Variants in EFTUD2 observed in about 807,000 individuals in gnomAD.
The protein encoded by EFTUD2 is 116 kDa U5 small nuclear ribonucleoprotein component.
In EFTUD2, 9 loss-of-function variants were observed where a neutral mutation model predicts 114.3. The ratio of observed to expected loss-of-function variants is 0.08; its 90% confidence interval spans 0.05 to 0.14. The LOEUF (loss-of-function observed/expected upper bound fraction) is 0.14, where lower values mean the gene tolerates loss of function less well. EFTUD2 is among the 10% of genes least tolerant of loss of function. EFTUD2 has a pLI of 1.00. For missense variants in EFTUD2, 765 were observed against 1,241.2 expected (o/e 0.62, Z 5.76); for synonymous variants, 449 against 462.3 (o/e 0.97, Z 0.37).
chr17:44,868,027 C>T, intron 12 of EFTUD2, 130 bp from the exon 13 acceptor site: 1 of 981,440 alleles, frequency 1.0e-6, no homozygotes, highest in Non-Finnish European at 1.5e-6. Flanking sequence ...GTAAAGTTTC[C>T]AGAGACAGAT....
chr17:44,886,758 CA>C lies in EFTUD2; in HGVS notation c.106-9del, dbSNP rs773036614. The C allele has an allele frequency of 3.1e-6, 5 of 1,611,792 alleles. No individual in the cohort carries two copies. The South Asian group carries it at 5.5e-5, about 18-fold the overall frequency. On this transcript the variant is annotated splice_polypyrimidine_tract_variant and intron_variant, in intron 2 of 27. Transcript: ENST00000426333. The stretch of plus-strand genomic sequence containing the variant: ...GTCGTCATCATCATCCATCTGAAAG[CA>C]AGAGGGAGAGGGAGAATCGAAGAGG...
Position 44,868,354 on chromosome 17 carries a change from T to C in EFTUD2, c.995-4A>G, listed in dbSNP as rs767499548. 6.2e-7 allele frequency: 1 copy of C among 1,613,630 alleles called. No homozygotes were observed. On this transcript the variant is annotated splice_region_variant and splice_polypyrimidine_tract_variant and intron_variant, in intron 11 of 27. Transcript: ENST00000426333. ...AATTCTTGGTAATTAATGTCACCTA[T>C]GGGAGAAGCCACACAATTATAATCT... is the stretch of plus-strand genomic sequence containing the variant.
intron 6 of EFTUD2, among the ~76,000 whole-genome samples, chr17:44,882,652 C>T (rs1163176637): frequency 6.6e-6 from 1 of 152,148 alleles, no homozygotes; most frequent in Non-Finnish European, 1.5e-5. Context: ...ACATGTCAGC[C>T]TTAATGCTAA....
chr17:44,888,318 G>A (rs1204574876), intron 2 of EFTUD2, among the ~76,000 whole-genome samples: 1 of 152,122 alleles, frequency 6.6e-6, no homozygotes, highest in Non-Finnish European at 1.5e-5. Context: ...GCATCCAGTG[G>A]GTAGAGGCCA....
intron 1 of EFTUD2, among the ~76,000 whole-genome samples, chr17:44,895,196 A>T (rs936723182): frequency 3.9e-5 from 6 of 152,254 alleles, no homozygotes; most frequent in African/African-American, 7.2e-5. Context: ...AGTGTCTATT[A>T]AAAAAGTTTC....
intron 16 of EFTUD2, 44 bp downstream of exon 16, chr17:44,862,669 G>A (rs768740240): frequency 6.4e-7 from 1 of 1,566,996 alleles, no homozygotes; most frequent in Non-Finnish European, 8.7e-7. Flanking sequence ...GGCAGCCCCT[G>A]GATAGACACC....
At chr17:44,886,986 T>C (rs2051186693) in intron 2 of EFTUD2, among the ~76,000 whole-genome samples, 1 of 152,176 alleles carries the variant, frequency 6.6e-6, no homozygotes, top group Non-Finnish European at 1.5e-5. Flanking sequence ...TGTGGGCCAC[T>C]GGTCACAAGT....
intron 3 of EFTUD2, 104 bp downstream of exon 3, chr17:44,886,481 G>A (rs2051175356): frequency 1.2e-5 from 19 of 1,526,246 alleles, no homozygotes; most frequent in Non-Finnish European, 1.7e-5. Context: ...AGGTAGTAAA[G>A]AAAAACTGAT....
Position 44,863,581 on chromosome 17 carries a change from GT to G in EFTUD2, c.1413+73del. 1.9e-6 allele frequency: 3 copies of G among 1,558,334 alleles called. No individual in the cohort carries two copies. In the East Asian group the frequency reaches 6.8e-5, roughly 35 times the overall value. On this transcript the variant is annotated intron_variant, in intron 15 of 27. Coordinates refer to ENST00000426333, the MANE Select transcript of EFTUD2 (RefSeq NM_004247.4). ...GGGTGGGAAAGTGGGCATTACTCCT[GT>G]GACCAGAAATCAGTATCCCCACACA... is the stretch of plus-strand genomic sequence containing the variant.
At chr17:44,856,958 T>C in intron 20 of EFTUD2, 117 bp downstream of exon 20, 1 of 806,018 alleles carries the variant, frequency 1.2e-6, no homozygotes, top group South Asian at 1.5e-5. Flanking sequence ...CACCCCCTAT[T>C]CTGAGCTGTA....
Position 44,880,602 on chromosome 17 carries a change from G to T in EFTUD2, c.571C>A (p.Pro191Thr). 6.2e-7 allele frequency: 1 copy of T among 1,613,736 alleles called. No individual in the cohort carries two copies. The highest frequency in any genetic ancestry group is 8.5e-7 in the Non-Finnish European group (1 of 1,179,718). Residue 191 changes from proline to threonine, a missense_variant, in exon 8 of 28, where the codon CCA becomes ACA. This residue lies in a region of EFTUD2 where 251 missense variants were observed against 357.7 expected (regional missense o/e 0.70). Coordinates refer to ENST00000426333, the MANE Select transcript of EFTUD2 (RefSeq NM_004247.4). Reference sequence around the variant, plus strand: ...AGATAAGATTTTCCTTTGGTGTCTGGCAAGACCACTGTCACAGGAGTGCTT... The same window carrying T: ...AGATAAGATTTTCCTTTGGTGTCTGTCAAGACCACTGTCACAGGAGTGCTT... ...IKSTPVTVVL[P>T]DTKGKSYLFN...
In EFTUD2 at chr17:44,894,434, T is replaced by A; in HGVS notation, c.88A>T (p.Thr30Ser). 6.2e-7 allele frequency: 1 copy of A among 1,613,192 alleles called. No individual in the cohort carries two copies. Among genetic ancestry groups the A allele is most frequent in the Non-Finnish European group, 8.5e-7 (1 of 1,179,104 alleles). The change falls in exon 2 of 28, where the codon ACC (threonine) becomes TCC (serine). Residue 30 changes from threonine (T) to serine (S), a missense_variant. By Grantham distance (58) the Thr-to-Ser change is moderately conservative. Coordinates refer to ENST00000426333, the MANE Select transcript of EFTUD2 (RefSeq NM_004247.4). ...TGTTTTACCTCATCAAGATCTTTGG[T>A]CTCTCTACCCAATTCATCATCATCT... Reference protein sequence around the residue: ...DEDDDELGRETKDLDEMDDDD... With the variant: ...DEDDDELGRESKDLDEMDDDD...
chr17:44,870,718 T>C (rs2050833804), intron 11 of EFTUD2, among the ~76,000 whole-genome samples: 1 of 152,160 alleles, frequency 6.6e-6, no homozygotes, highest in African/African-American at 2.4e-5. Context: ...GCTTACTTTA[T>C]TATGAGAACA....
intron 10 of EFTUD2, among the ~76,000 whole-genome samples, chr17:44,873,730 T>C (rs987803050): frequency 1.3e-5 from 2 of 149,652 alleles, no homozygotes; most frequent in East Asian, 2.0e-4. Flanking sequence ...TCCCACTTCC[T>C]ACTTTTTTTT....
intron 19 of EFTUD2, 26 bp downstream of exon 19, chr17:44,859,054 C>T: frequency 6.6e-7 from 1 of 1,511,342 alleles, no homozygotes; most frequent in Non-Finnish European, 9.2e-7. Context: ...GACCGTGAAC[C>T]CAGCTCCCGG....
chr17:44,883,005 G>A, intron 6 of EFTUD2, 88 bp downstream of exon 6: 2 of 1,324,554 alleles, frequency 1.5e-6, no homozygotes, highest in Non-Finnish European at 2.1e-6. Flanking sequence ...TATTTATAGA[G>A]AACAGGAAGG....
rs1188362412 is a variant in EFTUD2 at position 44,879,553 on chromosome 17, C to T, written c.702+3G>A. On this transcript the variant is annotated splice_donor_region_variant and intron_variant, in intron 9 of 27. Transcript: ENST00000426333. ...GAGATTCTGGGAGCTGAGTCTGACTCACCCCCTCAGCAGCATCAATGAAAA... is the reference window on the plus strand; with the variant it reads ...GAGATTCTGGGAGCTGAGTCTGACTTACCCCCTCAGCAGCATCAATGAAAA... 1.9e-6 allele frequency: 3 copies of T among 1,613,728 alleles called. No homozygotes were observed. The highest frequency in any genetic ancestry group is 2.5e-6 in the Non-Finnish European group (3 of 1,179,860).
intron 2 of EFTUD2, among the ~76,000 whole-genome samples, chr17:44,890,911 G>A (rs1368553847): frequency 6.6e-6 from 1 of 152,178 alleles, no homozygotes; most frequent in Non-Finnish European, 1.5e-5. Flanking sequence ...ATAACCCAAA[G>A]AAATTTTTCC....
At chr17:44,866,021 G>A (rs2050740862) in intron 13 of EFTUD2, among the ~76,000 whole-genome samples, 1 of 152,148 alleles carries the variant, frequency 6.6e-6, no homozygotes, top group African/African-American at 2.4e-5. Flanking sequence ...TGTTGTCCAA[G>A]CTGGTCTTGA....
Sources: allele counts gnomAD v4.1 joint callset (sites outside exome capture counted in the v4.1 genomes callset), GRCh38; gene constraint gnomAD v4.1.1; regional missense constraint gnomAD v4.1.1; transcripts MANE v1.5; gene names NCBI Gene and HGNC (gene_info 2026-07-23, HGNC 2026-07-21).